The following TMEM74 variants were observed in gnomAD, a reference collection of about 807,000 sequenced individuals.
TMEM74 encodes the protein transmembrane protein 74.
TMEM74 carries 13 observed loss-of-function variants against 18.1 expected under a neutral mutation model. The ratio of observed to expected loss-of-function variants is 0.72; its 90% CI spans 0.47 to 1.14. The LOEUF is 1.14. Among genes scored for constraint, TMEM74 ranks in the 50% most tolerant of loss-of-function variants. TMEM74 has a pLI of 0.00. For missense variants in TMEM74, 372 were observed against 375.9 expected (o/e 0.99, Z 0.09); for synonymous variants, 159 against 146.6 (o/e 1.08, Z -0.61).
chr8:108,681,573 CT>C (rs746462465), intron 1 of TMEM74, among the ~76,000 whole-genome samples: 2 of 152,134 alleles, frequency 1.3e-5, no homozygotes, highest in Non-Finnish European at 2.9e-5. Flanking sequence ...TTAGCTCCTC[CT>C]ATAGACCATA....
chr8:108,637,350 G>A (rs905841660), intron 2 of TMEM74, among the ~76,000 whole-genome samples: 1 of 151,976 alleles, frequency 6.6e-6, no homozygotes, highest in African/African-American at 2.4e-5. Flanking sequence ...GCAGAATAAT[G>A]GTACTCAAAA....
intron 1 of TMEM74, among the ~76,000 whole-genome samples, chr8:108,672,782 A>T (rs1813016202): frequency 6.6e-6 from 1 of 152,200 alleles, no homozygotes; most frequent in Non-Finnish European, 1.5e-5. Context: ...TGTTCAAAGA[A>T]ATTAAATAAC....
At chr8:108,613,927 G>A (rs1368309231) in intron 2 of TMEM74, among the ~76,000 whole-genome samples, 1 of 151,908 alleles carries the variant, frequency 6.6e-6, no homozygotes, top group Non-Finnish European at 1.5e-5. Context: ...CTTCCAATGG[G>A]GTAATAAGAG....
At chr8:108,683,047 AAAT>A (rs1451582607) in intron 1 of TMEM74, among the ~76,000 whole-genome samples, 3 of 151,902 alleles carry the variant, frequency 2.0e-5, no homozygotes, top group Non-Finnish European at 2.9e-5. Flanking sequence ...AACTTGCCAA[AAAT>A]AATAATAAAA....
At chr8:108,721,795 T>C (rs1813589460) in intron 1 of TMEM74, among the ~76,000 whole-genome samples, 1 of 152,250 alleles carries the variant, frequency 6.6e-6, no homozygotes, top group Non-Finnish European at 1.5e-5. Context: ...CAATTCTTCC[T>C]TTCTGTTTCT....
In TMEM74 at chr8:108,708,983, A is replaced by G. The variant is rs1813448056; in HGVS notation, n.120-53546T>C. ...GCAAATCAAAACTACAATAAGATAG[A>G]TATCATGTCACACCTGTTAGGATGG... is the stretch of plus-strand genomic sequence containing the variant. On this transcript the variant is annotated intron_variant and non_coding_transcript_variant, in intron 1 of 3. Coordinates refer to the TMEM74 transcript ENST00000518838. Among the ~76,000 whole-genome samples, 6 of 152,138 alleles carry G rather than the reference A, an allele frequency of 3.9e-5. No homozygotes were observed. In the South Asian group the frequency reaches 1.2e-3, roughly 31 times the overall value.
intron 2 of TMEM74, among the ~76,000 whole-genome samples, chr8:108,609,319 T>TTTTTAA (rs1812310435): frequency 2.0e-5 from 3 of 151,942 alleles, no homozygotes; most frequent in Non-Finnish European, 2.9e-5. Flanking sequence ...CTGTTTACCT[T>TTTTTAA]GTTTAAGTTT....
chr8:108,627,551 TA>T (rs1320132240), intron 2 of TMEM74, among the ~76,000 whole-genome samples: 1 of 152,062 alleles, frequency 6.6e-6, no homozygotes, highest in African/African-American at 2.4e-5. Flanking sequence ...AAGCACTCAA[TA>T]GAGTTTAACC....
intron 1 of TMEM74, among the ~76,000 whole-genome samples, chr8:108,717,605 G>A (rs534794557): frequency 1.1e-4 from 17 of 152,288 alleles, no homozygotes; most frequent in African/African-American, 4.1e-4. Flanking sequence ...CTGGGGATGG[G>A]AGAGTGAGTT....
intron 2 of TMEM74, among the ~76,000 whole-genome samples, chr8:108,649,523 T>C (rs1368061292): frequency 6.6e-6 from 1 of 152,220 alleles, no homozygotes; most frequent in Admixed American, 6.5e-5. Flanking sequence ...ATTTTTACTT[T>C]ACAAATGCCA....
intron 1 of TMEM74, among the ~76,000 whole-genome samples, chr8:108,765,628 C>T (rs1233506799): frequency 2.0e-5 from 3 of 151,868 alleles, no homozygotes; most frequent in Non-Finnish European, 4.4e-5. Flanking sequence ...AGGCTGGTCT[C>T]AAACTCCTGA....
downstream of TMEM74, among the ~76,000 whole-genome samples, chr8:108,777,985 A>AT (rs145917256): frequency 1.1e-4 from 17 of 151,880 alleles, no homozygotes; most frequent in Non-Finnish European, 2.2e-4. Context: ...AATTGTGACA[A>AT]TTTTTTTTTA....
chr8:108,636,817 A>G (rs1309671586), intron 2 of TMEM74, among the ~76,000 whole-genome samples: 1 of 145,738 alleles, frequency 6.9e-6, no homozygotes, highest in Non-Finnish European at 1.5e-5. Context: ...AAGTGCTTTG[A>G]TTCTGGGCAT....
At chr8:108,652,444 A>T (rs1812783951) in intron 2 of TMEM74, 1 of 349,574 alleles carries the variant, frequency 2.9e-6, no homozygotes, top group Non-Finnish European at 5.4e-6. Context: ...CTGAATACCT[A>T]AAATATCTGA....
chr8:108,713,040 C>T (rs1563532874), intron 1 of TMEM74, among the ~76,000 whole-genome samples: 2 of 152,132 alleles, frequency 1.3e-5, no homozygotes, highest in Non-Finnish European at 2.9e-5. Context: ...AGGATCTATT[C>T]CAGAGTTATT....
At chr8:108,657,753 G>C (rs568198218) in intron 1 of TMEM74, among the ~76,000 whole-genome samples, 4 of 147,408 alleles carry the variant, frequency 2.7e-5, no homozygotes, top group African/African-American at 1.0e-4. Context: ...TGAGGCAGGA[G>C]AATAGCTTGA....
intron 1 of TMEM74, among the ~76,000 whole-genome samples, chr8:108,656,591 T>A (rs1241469264): frequency 6.6e-6 from 1 of 152,158 alleles, no homozygotes; most frequent in African/African-American, 2.4e-5. Flanking sequence ...TTCCTATGAT[T>A]TCATTAAGAC....
intron 2 of TMEM74, among the ~76,000 whole-genome samples, chr8:108,649,735 T>C (rs760287615): frequency 9.3e-4 from 142 of 152,138 alleles, no homozygotes; most frequent in Non-Finnish European, 1.6e-3. Flanking sequence ...ACCCTAAGTT[T>C]GTGGTAGTTT....
intron 2 of TMEM74, among the ~76,000 whole-genome samples, chr8:108,609,182 C>G (rs1358692994): frequency 1.3e-5 from 2 of 152,096 alleles, no homozygotes; most frequent in African/African-American, 4.8e-5. Flanking sequence ...TGAAGTTTCT[C>G]TATAGATTTC....
Sources: allele counts gnomAD v4.1 joint callset (sites outside exome capture counted in the v4.1 genomes callset), GRCh38; gene constraint gnomAD v4.1.1; transcripts MANE v1.5; gene names NCBI Gene and HGNC (gene_info 2026-07-23, HGNC 2026-07-21).